CXCL9: variants seen among roughly 807,000 people sequenced by gnomAD.
CXCL9 encodes C-X-C motif chemokine 9.
CXCL9 carries 8 observed loss-of-function variants against 11.7 expected under a neutral mutation model. The observed-to-expected ratio is 0.68, with a 90% confidence interval of 0.40 to 1.23. The LOEUF (loss-of-function observed/expected upper bound fraction) is 1.23, where lower values mean the gene tolerates loss of function less well. Among genes scored for constraint, CXCL9 ranks in the 50% most tolerant of loss-of-function variants. CXCL9 has a pLI of 0.01. For missense variants in CXCL9, 133 were observed against 141.7 expected, an observed-to-expected ratio of 0.94 and a Z score of 0.31; for synonymous variants, 43 against 48.2, an observed-to-expected ratio of 0.89 and a Z score of 0.45.
At position 76,004,849 on chromosome 4, in the gene CXCL9, G is replaced by A. The variant is rs769576198; in HGVS notation, c.236C>T (p.Ser79Leu). ...NGVQTCLNPD[S>L]ADVKELIKKW... Reference sequence around the variant, plus strand: ...TTTAATCAGTTCCTTCACATCTGCTGAATCTGGGTTTAGACATGTTTGAAC... The same window carrying A: ...TTTAATCAGTTCCTTCACATCTGCTAAATCTGGGTTTAGACATGTTTGAAC... The change falls in exon 3 of 4, where the codon TCA (serine) becomes TTA (leucine). Residue 79 changes from serine to leucine, a missense_variant. Transcript: ENST00000264888. 9.3e-6 allele frequency: 15 copies of A among 1,609,756 alleles called. No individual in the cohort carries two copies. The highest frequency in any genetic ancestry group is 1.3e-5 in the Non-Finnish European group (15 of 1,178,608).
Position 76,002,332 on chromosome 4 carries a change from T to C in CXCL9, c.*1266A>G. 2.5e-6 allele frequency: 1 copy of C among 398,604 alleles called. No individual in the cohort carries two copies. The highest frequency in any genetic ancestry group is 4.4e-5 in the Admixed American group (1 of 22,730). 24.7% of individuals were successfully genotyped at this position (398,604 alleles called of 1,614,324 possible). A position where few individuals can be genotyped will look rare whatever the true frequency, so the allele number is the denominator to read the frequency against. On this transcript the variant is annotated 3_prime_UTR_variant, in exon 4 of 4. Coordinates refer to ENST00000264888, the MANE Select transcript of CXCL9 (RefSeq NM_002416.3). ...GAATATCCGCAAGTGTTTTACCACG[T>C]GCTTCTTATTGTTGGAGAAGCTGAG... is the stretch of plus-strand genomic sequence containing the variant.
Position 76,004,867 on chromosome 4 carries a change from G to A in CXCL9, c.218C>T (p.Thr73Ile), listed in dbSNP as rs762574216. The part of the protein sequence containing the change: ...IIATLKNGVQ[T>I]CLNPDSADVK... ...ATCTGCTGAATCTGGGTTTAGACAT[G>A]TTTGAACTCCATTCTTCAGTGTAGC... The change falls in exon 3 of 4, where the codon ACA (threonine) becomes ATA (isoleucine). Residue 73 changes from threonine to isoleucine, a missense_variant. Coordinates refer to ENST00000264888, the MANE Select transcript of CXCL9 (RefSeq NM_002416.3). 2 of 1,607,650 alleles carry A rather than the reference G, an allele frequency of 1.2e-6. No homozygotes were observed. Among genetic ancestry groups the A allele is most frequent in the Non-Finnish European group, 8.5e-7 (1 of 1,177,722 alleles).
chr4:76,004,126 G>A (rs888590480), intron 3 of CXCL9, among the ~76,000 whole-genome samples: 3 of 152,080 alleles, frequency 2.0e-5, no homozygotes, highest in Non-Finnish European at 4.4e-5. Context: ...CATATTCTGT[G>A]GCTCTCTTCA....
In CXCL9 at chr4:76,003,492, C is replaced by T; in HGVS notation, c.*106G>A. 1.6e-6 allele frequency: 1 copy of T among 618,198 alleles called. No homozygotes were observed. The highest frequency in any genetic ancestry group is 2.8e-6 in the Non-Finnish European group (1 of 358,548). 38.3% of individuals were successfully genotyped at this position (618,198 alleles called of 1,614,324 possible). A position where few individuals can be genotyped will look rare whatever the true frequency, so the allele number is the denominator to read the frequency against. ...AGAGTAATGTTTTAAATTTTCTAGT[C>T]AAATTAATAAGCCTTTGTATTATAT... On this transcript the variant is annotated 3_prime_UTR_variant, in exon 4 of 4. Transcript: ENST00000264888.
Position 76,006,289 on chromosome 4 carries a change from A to G in CXCL9, c.65-15T>C. Reference sequence around the variant, plus strand: ...TACTGGGGTTCCTGAGGGAAAGAAAAAGATAGAACACATCAGTATAGGCCA... The same window carrying G: ...TACTGGGGTTCCTGAGGGAAAGAAAGAGATAGAACACATCAGTATAGGCCA... On this transcript the variant is annotated splice_polypyrimidine_tract_variant and intron_variant, in intron 1 of 3. Coordinates refer to ENST00000264888, the MANE Select transcript of CXCL9 (RefSeq NM_002416.3). The G allele has an allele frequency of 4.3e-6, 7 of 1,612,412 alleles. No individual in the cohort carries two copies. Among genetic ancestry groups the G allele is most frequent in the Non-Finnish European group, 5.9e-6 (7 of 1,178,852 alleles).
Position 76,001,639 on chromosome 4 carries a change from T to C in CXCL9, c.*1959A>G, listed in dbSNP as rs1731466641. 1 of 152,184 alleles carries C rather than the reference T, an allele frequency of 6.6e-6. No individual in the cohort carries two copies. Among genetic ancestry groups the C allele is most frequent in the Non-Finnish European group, 1.5e-5 (1 of 68,042 alleles). The allele number at this position is 152,184 out of a possible 1,614,324, so 9.4% of individuals were successfully genotyped here. On this transcript the variant is annotated 3_prime_UTR_variant, in exon 4 of 4. Coordinates refer to ENST00000264888, the MANE Select transcript of CXCL9 (RefSeq NM_002416.3). The stretch of plus-strand genomic sequence containing the variant: ...ATTATAACGTGTGTGTCAGTGACAA[T>C]ATGTAGTCTTTGGTTGTTAGTTATA...
intron 1 of CXCL9, among the ~76,000 whole-genome samples, 170 bp from the exon 2 acceptor site, chr4:76,006,444 A>G (rs187864658): frequency 3.3e-5 from 5 of 152,294 alleles, no homozygotes; most frequent in African/African-American, 9.6e-5. Flanking sequence ...TTTTATACAT[A>G]AGGAAACTAA....
rs1294758704 is a variant in CXCL9, at chr4:76,001,624, G to A, written c.*1974C>T. The A allele has an allele frequency of 6.6e-6, 1 of 152,180 alleles. No individual in the cohort carries two copies. Among genetic ancestry groups the A allele is most frequent in the Non-Finnish European group, 1.5e-5 (1 of 68,038 alleles). 9.4% of individuals were successfully genotyped at this position (152,180 alleles called of 1,614,324 possible). On this transcript the variant is annotated 3_prime_UTR_variant, in exon 4 of 4. Coordinates refer to ENST00000264888, the MANE Select transcript of CXCL9 (RefSeq NM_002416.3). Reference sequence around the variant, plus strand: ...TATATATGATAAATGATTATAACGTGTGTGTCAGTGACAATATGTAGTCTT... The same window carrying A: ...TATATATGATAAATGATTATAACGTATGTGTCAGTGACAATATGTAGTCTT...
At position 76,006,292 on chromosome 4, in the gene CXCL9, A is replaced by G. The variant is rs958934223; in HGVS notation, c.65-18T>C. 9.9e-6 allele frequency: 16 copies of G among 1,612,102 alleles called. No homozygotes were observed. The African/African-American group carries it at 1.6e-4, about 16-fold the overall frequency. On this transcript the variant is annotated intron_variant, in intron 1 of 3. Transcript: ENST00000264888. ...TGGGGTTCCTGAGGGAAAGAAAAAG[A>G]TAGAACACATCAGTATAGGCCAATG... is the stretch of plus-strand genomic sequence containing the variant.
At position 76,005,480 on chromosome 4, in the gene CXCL9, A is replaced by G. The variant is rs1294361969; in HGVS notation, c.192-587T>C. On this transcript the variant is annotated intron_variant, in intron 2 of 3. Coordinates refer to ENST00000264888, the MANE Select transcript of CXCL9 (RefSeq NM_002416.3). ...AGACAAAATATGCACACATCCTTCA[A>G]CCTAGCAATCCTAATCTCTAGAAAG... 3 of 152,246 alleles carry G rather than the reference A, an allele frequency of 2.0e-5. No homozygotes were observed. In the East Asian group the frequency reaches 5.8e-4, roughly 29 times the overall value. The allele number at this position is 152,246 out of a possible 1,614,324, so 9.4% of individuals were successfully genotyped here. A position where few individuals can be genotyped will look rare whatever the true frequency, so the allele number is the denominator to read the frequency against.
chr4:76,002,410 A>G lies in CXCL9; in HGVS notation c.*1188T>C. 2.5e-6 allele frequency: 1 copy of G among 398,520 alleles called. No homozygotes were observed. The highest frequency in any genetic ancestry group is 4.4e-6 in the Non-Finnish European group (1 of 225,976). 24.7% of individuals were successfully genotyped at this position (398,520 alleles called of 1,614,324 possible). On this transcript the variant is annotated 3_prime_UTR_variant, in exon 4 of 4. Transcript: ENST00000264888. ...ATGTTGCATCATCCCTGGTCCCTGT[A>G]GTGAGTGTCCTGAAGATAATAAGTA...
chr4:76,007,221 G>A (rs1578168143), intron 1 of CXCL9, among the ~76,000 whole-genome samples, 165 bp downstream of exon 1: 1 of 152,274 alleles, frequency 6.6e-6, no homozygotes, highest in East Asian at 1.9e-4. Flanking sequence ...TTGGCAGATC[G>A]AAGTTATGAA....
At chr4:76,004,437 T>C (rs1291017341) in intron 3 of CXCL9, among the ~76,000 whole-genome samples, 1 of 152,218 alleles carries the variant, frequency 6.6e-6, no homozygotes, top group Non-Finnish European at 1.5e-5. Flanking sequence ...TCGTCAAGAT[T>C]CTTGTGCATA....
In CXCL9 at chr4:76,006,280, G is replaced by T; in HGVS notation, c.65-6C>A. ...CTTTCTCACTACTGGGGTTCCTGAG[G>T]GAAAGAAAAAGATAGAACACATCAG... On this transcript the variant is annotated splice_region_variant and splice_polypyrimidine_tract_variant and intron_variant, in intron 1 of 3. Coordinates refer to ENST00000264888, the MANE Select transcript of CXCL9 (RefSeq NM_002416.3). 6.2e-7 allele frequency: 1 copy of T among 1,612,222 alleles called. No individual in the cohort carries two copies.
chr4:76,006,307 A>G (rs1223038577), intron 1 of CXCL9, 33 bp from the exon 2 acceptor site: 1 of 1,595,808 alleles, frequency 6.3e-7, no homozygotes, highest in Non-Finnish European at 8.5e-7. Flanking sequence ...ACACATCAGT[A>G]TAGGCCAATG....
rs1731584336 is a variant in CXCL9, at chr4:76,006,246, A to G, written c.93T>C (p.Cys31=). 19 of 1,613,808 alleles carry G rather than the reference A, an allele frequency of 1.2e-5. No homozygotes were observed. Among genetic ancestry groups the G allele is most frequent in the Non-Finnish European group, 1.5e-5 (18 of 1,179,742 alleles). ...TCCCTTGGTTGGTGCTGATGCAGGA[A>G]CAGCGACCCTTTCTCACTACTGGGG... ...QGTPVVRKGR[C]SCISTNQGTI... is the part of the protein sequence containing the mutation. The change falls in exon 2 of 4, where the codon TGT becomes TGC. Residue 31 remains cysteine (C), a synonymous_variant. Transcript: ENST00000264888.
chr4:76,006,860 T>C (rs575375030), intron 1 of CXCL9, among the ~76,000 whole-genome samples: 1 of 152,360 alleles, frequency 6.6e-6, no homozygotes, highest in South Asian at 2.1e-4. Flanking sequence ...AATTCTTAAA[T>C]TCATATATTT....
At chr4:76,006,678 A>G (rs925979640) in intron 1 of CXCL9, among the ~76,000 whole-genome samples, 1 of 152,154 alleles carries the variant, frequency 6.6e-6, no homozygotes, top group African/African-American at 2.4e-5. Context: ...CAACTCCTAA[A>G]CCATCTATTA....
rs1281611824 is a variant in CXCL9 at position 76,004,855 on chromosome 4, G to C, written c.230C>G (p.Pro77Arg). The C allele has an allele frequency of 6.2e-7, 1 of 1,609,228 alleles. No individual in the cohort carries two copies. The highest frequency in any genetic ancestry group is 8.5e-7 in the Non-Finnish European group (1 of 1,178,322). ...CAGTTCCTTCACATCTGCTGAATCT[G>C]GGTTTAGACATGTTTGAACTCCATT... ...LKNGVQTCLN[P>R]DSADVKELIK... The change falls in exon 3 of 4, where the codon CCA becomes CGA. Residue 77 changes from proline to arginine, a missense_variant. Coordinates refer to ENST00000264888, the MANE Select transcript of CXCL9 (RefSeq NM_002416.3).
Sources: gnomAD v4.1 joint callset for allele counts (sites outside exome capture counted in the v4.1 genomes callset) on GRCh38, gnomAD v4.1.1 for gene constraint, MANE v1.5 for transcripts, NCBI Gene and HGNC (gene_info 2026-07-23, HGNC 2026-07-21) for gene names.